Variants in GPM6B observed in about 807,000 individuals in gnomAD.
GPM6B encodes glycoprotein M6B.
Under a neutral mutation model 27.2 loss-of-function variants are expected in GPM6B, and 4 were observed. That is an observed-to-expected ratio of 0.15 (90% CI 0.07 to 0.34). GPM6B has a LOEUF of 0.34. GPM6B is among the 10% of genes least tolerant of loss of function. GPM6B has a pLI of 1.00. For synonymous variants in GPM6B, 124 were observed against 103.1 expected (o/e 1.20, Z -1.23); for missense variants, 183 against 261.9 (o/e 0.70, Z 2.08).
upstream of GPM6B, among the ~76,000 whole-genome samples, chrX:13,818,545 C>A (rs1201140369): frequency 8.9e-6 from 1 of 112,337 alleles, no homozygotes; most frequent in Non-Finnish European, 1.9e-5. Flanking sequence ...TAGCTTGTTT[C>A]AACGTTTAAT....
chrX:13,873,967 CAA>C (rs1470163536), intron 1 of GPM6B, among the ~76,000 whole-genome samples: 1 of 110,943 alleles, frequency 9.0e-6, no homozygotes, highest in African/African-American at 3.3e-5. Context: ...CTTTAAATGG[CAA>C]AAAAACAGTC....
chrX:13,920,487 A>T (rs774494750), intron 1 of GPM6B, among the ~76,000 whole-genome samples: 2 of 110,761 alleles, frequency 1.8e-5, no homozygotes, highest in Admixed American at 1.9e-4. Flanking sequence ...TGAACCTAAC[A>T]TCTTCACCAA....
chrX:13,863,942 T>G (rs752304101), intron 1 of GPM6B, among the ~76,000 whole-genome samples: 5 of 112,533 alleles, frequency 4.4e-5, no homozygotes, highest in Non-Finnish European at 9.4e-5. Flanking sequence ...GATAATCAAA[T>G]CAGTACTTTC....
At chrX:13,914,633 T>C (rs978622102) in intron 1 of GPM6B, among the ~76,000 whole-genome samples, 6 of 112,681 alleles carry the variant, frequency 5.3e-5, no homozygotes, top group Non-Finnish European at 9.4e-5. Context: ...GACTTCCACA[T>C]CAGAGGTATG....
chrX:13,929,486 GAA>G (rs753239407), intron 1 of GPM6B, among the ~76,000 whole-genome samples: 2 of 110,374 alleles, frequency 1.8e-5, no homozygotes, highest in Non-Finnish European at 3.8e-5. Flanking sequence ...CTTTTGGAAA[GAA>G]AAACCTTTTA....
chrX:13,864,164 C>T (rs755619836), intron 1 of GPM6B, among the ~76,000 whole-genome samples: 1 of 112,343 alleles, frequency 8.9e-6, no homozygotes, highest in East Asian at 2.8e-4. Flanking sequence ...TCTGCAAGAG[C>T]CTTGAGGAAT....
chrX:13,805,986 TTGC>T lies in GPM6B; in HGVS notation c.181+1661_181+1663del, dbSNP rs772639493. ...AATTATGCACATCTCATGGTTTTTT[TTGC>T]TGCTTTTTTTTTCAAAAGCAGCTTT... On this transcript the variant is annotated intron_variant, in intron 2 of 7. Coordinates refer to ENST00000316715, the MANE Select transcript of GPM6B (RefSeq NM_001001995.3). 5.9e-3 allele frequency among the ~76,000 whole-genome samples: 653 copies of T among 111,365 alleles called. 2 individuals carry two copies. Among genetic ancestry groups the T allele is most frequent in the Non-Finnish European group, 9.0e-3 (479 of 52,935 alleles).
intron 2 of GPM6B, among the ~76,000 whole-genome samples, chrX:13,802,552 TTATA>T (rs10645553): frequency 9.4e-6 from 1 of 106,016 alleles, no homozygotes; most frequent in South Asian, 4.1e-4. Context: ...ATAAATTATT[TTATA>T]TATATATATA....
At position 13,812,044 on chromosome X, in the gene GPM6B, C is replaced by CTTTTTTTTTTTTTTTTTTTTT. The variant is rs752162419; in HGVS notation, c.62-4276_62-4275insAAAAAAAAAAAAAAAAAAAAA. Among the ~76,000 whole-genome samples, 3 of 82,667 alleles carry CTTTTTTTTTTTTTTTTTTTTT rather than the reference C, an allele frequency of 3.6e-5. 1 individual carries two copies. Among genetic ancestry groups the CTTTTTTTTTTTTTTTTTTTTT allele is most frequent in the African/African-American group, 4.7e-5 (1 of 21,138 alleles). The allele number at this position is 82,667 out of a possible 115,157, so 71.8% of individuals were successfully genotyped here. On this transcript the variant is annotated intron_variant, in intron 1 of 7. Transcript: ENST00000316715. ...TTTCAAAGGAGAACACTTTTCTTTT[C>CTTTTTTTTTTTTTTTTTTTTT]TTTCTTTTTTTTTTTTTTTTTTTGA...
chrX:13,900,700 T>G (rs73455453), intron 1 of GPM6B, among the ~76,000 whole-genome samples: 1,973 of 112,126 alleles, frequency 0.018, 48 homozygotes, highest in African/African-American at 0.06. Context: ...GCCTGCTATA[T>G]TCCAAAGCTG....
chrX:13,884,311 T>G (rs1569284666), intron 1 of GPM6B, among the ~76,000 whole-genome samples: 1 of 112,834 alleles, frequency 8.9e-6, no homozygotes, highest in Non-Finnish European at 1.9e-5. Flanking sequence ...TCTAGAATAC[T>G]CTAGAATAGT....
chrX:13,809,626 A>T (rs1050342681), intron 1 of GPM6B, among the ~76,000 whole-genome samples: 5 of 110,528 alleles, frequency 4.5e-5, no homozygotes, highest in African/African-American at 9.9e-5. Flanking sequence ...AAATAAAAAA[A>T]ATATATAAAA....
chrX:13,782,435 C>A (rs756322823), intron 4 of GPM6B, among the ~76,000 whole-genome samples: 1 of 111,467 alleles, frequency 9.0e-6, no homozygotes, highest in African/African-American at 3.3e-5. Context: ...ATGCTGTGCC[C>A]TGGTGGAAAC....
At chrX:13,888,777 A>G (rs1345361921) in intron 1 of GPM6B, among the ~76,000 whole-genome samples, 1 of 111,868 alleles carries the variant, frequency 8.9e-6, no homozygotes, top group Non-Finnish European at 1.9e-5. Flanking sequence ...ATGATCTAAA[A>G]TAGAATCACA....
intron 1 of GPM6B, among the ~76,000 whole-genome samples, chrX:13,936,357 T>C (rs1921837486): frequency 8.9e-6 from 1 of 112,268 alleles, no homozygotes; most frequent in Non-Finnish European, 1.9e-5. Context: ...AAGGGACTTT[T>C]ATTTCTACAA....
chrX:13,926,054 C>CAAAAAAAAAAAAAAAAA lies in GPM6B; in HGVS notation c.-198+12272_-198+12273insTTTTTTTTTTTTTTTTT, dbSNP rs772441542. 1.6e-3 allele frequency among the ~76,000 whole-genome samples: 162 copies of CAAAAAAAAAAAAAAAAA among 99,157 alleles called. 3 individuals are homozygous for CAAAAAAAAAAAAAAAAA. The highest frequency in any genetic ancestry group is 5.9e-3 in the African/African-American group (154 of 26,154). 86.1% of individuals were successfully genotyped at this position (99,157 alleles called of 115,157 possible). On this transcript the variant is annotated intron_variant, in intron 1 of 6. Coordinates refer to the GPM6B transcript ENST00000398361. ...TGGGCAACAGAGCGAGACTCCATCT[C>CAAAAAAAAAAAAAAAAA]AAAAAAAAAAAATTATTCTATAAGT...
chrX:13,905,868 T>C (rs1191845825), intron 1 of GPM6B, among the ~76,000 whole-genome samples: 1 of 103,754 alleles, frequency 9.6e-6, no homozygotes, highest in Non-Finnish European at 2.0e-5. Context: ...CCTCCATTCG[T>C]GACACAATGG....
At chrX:13,809,493 G>A (rs979378163) in intron 1 of GPM6B, among the ~76,000 whole-genome samples, 2 of 111,171 alleles carry the variant, frequency 1.8e-5, no homozygotes, top group East Asian at 5.6e-4. Flanking sequence ...AGATTTTTGT[G>A]GGCTGGGTGC....
intron 1 of GPM6B, among the ~76,000 whole-genome samples, chrX:13,936,527 T>A (rs1040656226): frequency 8.9e-6 from 1 of 112,165 alleles, no homozygotes; most frequent in African/African-American, 3.2e-5. Flanking sequence ...ATTAAATACA[T>A]CTGGAAAAAT....
Sources: gnomAD v4.1 joint callset for allele counts (sites outside exome capture counted in the v4.1 genomes callset) on GRCh38, gnomAD v4.1.1 for gene constraint, MANE v1.5 for transcripts, NCBI Gene and HGNC (gene_info 2026-07-23, HGNC 2026-07-21) for gene names.